The following GARIN1B variants were observed in gnomAD, a reference collection of about 807,000 sequenced individuals.
GARIN1B encodes golgi associated RAB2 interactor 1B.
chr7:128,731,047 G>A, the GARIN1B span: 15 of 1,524,746 alleles, frequency 9.8e-6, no homozygotes, highest in East Asian at 3.4e-4. Context: ...CCACAAAAGA[G>A]CTTTTTAGGT....
chr7:128,731,076 C>A, the GARIN1B span: 1 of 1,606,850 alleles, frequency 6.2e-7, no homozygotes, highest in Non-Finnish European at 8.5e-7. Flanking sequence ...TCCTATCAAA[C>A]ACTTTTCTCT....
At chr7:128,718,480 T>G in the GARIN1B span, among the ~76,000 whole-genome samples, 1 of 147,418 alleles carries the variant, frequency 6.8e-6, no homozygotes, top group Non-Finnish European at 1.5e-5. Flanking sequence ...CAGAAAGAAA[T>G]TGTAAAATCC....
the GARIN1B span, among the ~76,000 whole-genome samples, chr7:128,719,407 C>A: frequency 6.6e-6 from 1 of 151,800 alleles, no homozygotes; most frequent in African/African-American, 2.4e-5. Context: ...GTCGTGTAAC[C>A]ATCACCACAA....
the GARIN1B span, among the ~76,000 whole-genome samples, chr7:128,726,040 G>A: frequency 6.6e-6 from 1 of 152,246 alleles, no homozygotes; most frequent in Non-Finnish European, 1.5e-5. Context: ...GAAGCTTGGT[G>A]GAAGGCCAGT....
the GARIN1B span, among the ~76,000 whole-genome samples, chr7:128,718,434 G>GAA: frequency 0.1 from 12,333 of 117,760 alleles, 613 homozygotes; most frequent in Non-Finnish European, 0.13. Context: ...CTTTGCCTCA[G>GAA]AAAAAAAAAA....
At chr7:128,718,738 T>C in the GARIN1B span, 2 of 1,485,960 alleles carry the variant, frequency 1.3e-6, no homozygotes. Flanking sequence ...CCAAAAGCCT[T>C]AGTCCTAAAG....
chr7:128,721,533 CAT>C, the GARIN1B span, among the ~76,000 whole-genome samples: 1 of 152,120 alleles, frequency 6.6e-6, no homozygotes. Context: ...CACACACACT[CAT>C]GCCATCTGCA....
the GARIN1B span, among the ~76,000 whole-genome samples, chr7:128,714,577 C>G: frequency 9.5e-5 from 1 of 10,536 alleles, no homozygotes; most frequent in Non-Finnish European, 2.8e-4. Context: ...GAGACTCCAT[C>G]TCAAAAAAAA....
the GARIN1B span, chr7:128,731,129 T>A: frequency 6.2e-7 from 1 of 1,608,468 alleles, no homozygotes; most frequent in Non-Finnish European, 8.5e-7. Flanking sequence ...CCTTCCGCAC[T>A]GGGGAGAATC....
chr7:128,726,990 C>T, the GARIN1B span: 1 of 862,920 alleles, frequency 1.2e-6, no homozygotes, highest in African/African-American at 1.7e-5. Flanking sequence ...CATTGTCCTT[C>T]CATGCCTTAG....
At chr7:128,726,431 G>A in the GARIN1B span, among the ~76,000 whole-genome samples, 55,348 of 152,098 alleles carry the variant, frequency 0.36, 10,641 homozygotes, top group Middle Eastern at 0.46. Context: ...GCCCCTGAGT[G>A]ATGATTTTTC....
At chr7:128,711,109 G>C in the GARIN1B span, among the ~76,000 whole-genome samples, 1 of 152,002 alleles carries the variant, frequency 6.6e-6, no homozygotes, top group East Asian at 1.9e-4. Context: ...CCACTTCCTG[G>C]GATCATTATT....
chr7:128,709,955 G>T, the GARIN1B span, among the ~76,000 whole-genome samples: 1 of 151,810 alleles, frequency 6.6e-6, no homozygotes, highest in Non-Finnish European at 1.5e-5. Flanking sequence ...GTTTCACCAT[G>T]TTGGCCAGGC....
the GARIN1B span, chr7:128,723,553 C>CTT: frequency 0.14 from 21,727 of 160,756 alleles, 1,669 homozygotes; most frequent in East Asian, 0.34. Context: ...ACTATCCAGT[C>CTT]TTTTTTTTTT....
the GARIN1B span, among the ~76,000 whole-genome samples, chr7:128,730,289 T>C: frequency 6.6e-6 from 1 of 152,204 alleles, no homozygotes; most frequent in Non-Finnish European, 1.5e-5. Flanking sequence ...CCAGATGCTG[T>C]TGACGCTATA....
chr7:128,718,160 C>T, the GARIN1B span, among the ~76,000 whole-genome samples: 3 of 152,220 alleles, frequency 2.0e-5, no homozygotes, highest in Middle Eastern at 3.4e-3. Flanking sequence ...TGGCTGGGCG[C>T]GGTGGCTCGT....
chr7:128,727,149 G>GT, the GARIN1B span, among the ~76,000 whole-genome samples: 1 of 152,160 alleles, frequency 6.6e-6, no homozygotes, highest in African/African-American at 2.4e-5. Flanking sequence ...TCTCAAGCCT[G>GT]TAGCACTCTT....
chr7:128,731,139 C>T, the GARIN1B span: 4 of 1,602,194 alleles, frequency 2.5e-6, no homozygotes, highest in South Asian at 3.3e-5. Flanking sequence ...TGGGGAGAAT[C>T]TATGCAAGCC....
At chr7:128,710,690 CT>C in the GARIN1B span, among the ~76,000 whole-genome samples, 8,844 of 146,142 alleles carry the variant, frequency 0.061, 572 homozygotes, top group African/African-American at 0.17. Flanking sequence ...TTTTCTTTTC[CT>C]TTTTTTTTTT....
Sources: allele counts gnomAD v4.1 joint callset (sites outside exome capture counted in the v4.1 genomes callset), GRCh38; gene constraint gnomAD v4.1.1; transcripts MANE v1.5; gene names NCBI Gene and HGNC (gene_info 2026-07-23, HGNC 2026-07-21).